The following DGKB variants were observed in gnomAD, a reference collection of about 807,000 sequenced individuals.
DGKB encodes 90 kDa diacylglycerol kinase.
In DGKB, 67 loss-of-function variants were observed where a neutral mutation model predicts 114.3. The observed-to-expected ratio is 0.59, with a 90% CI of 0.48 to 0.72. The LOEUF (loss-of-function observed/expected upper bound fraction) is 0.72, where lower values mean the gene tolerates loss of function less well. DGKB is among the 30% of genes least tolerant of loss of function. DGKB has a pLI of 0.00. For synonymous variants in DGKB, 398 were observed against 323.1 expected, an observed-to-expected ratio of 1.23 and a Z score of -2.49; for missense variants, 907 against 975.2, an observed-to-expected ratio of 0.93 and a Z score of 0.93.
intron 2 of DGKB, among the ~76,000 whole-genome samples, chr7:14,823,031 T>A (rs1845163974): frequency 6.6e-6 from 1 of 151,898 alleles, no homozygotes; most frequent in Non-Finnish European, 1.5e-5. Context: ...AATAGTACTT[T>A]TAAAAAAAAT....
intron 1 of DGKB, among the ~76,000 whole-genome samples, chr7:14,880,534 A>G (rs1004103713): frequency 6.6e-6 from 1 of 152,184 alleles, no homozygotes; most frequent in Non-Finnish European, 1.5e-5. Context: ...GTTACTCAAG[A>G]TCAAGTTGGA....
chr7:14,210,945 C>T (rs145221860), intron 23 of DGKB, among the ~76,000 whole-genome samples: 24 of 152,168 alleles, frequency 1.6e-4, no homozygotes, highest in African/African-American at 5.8e-4. Flanking sequence ...TCCACTGTAT[C>T]CTTGCCATCT....
chr7:14,740,147 C>G (rs1186745466), intron 4 of DGKB, among the ~76,000 whole-genome samples: 1 of 152,216 alleles, frequency 6.6e-6, no homozygotes, highest in African/African-American at 2.4e-5. Flanking sequence ...CCAAGGAGTC[C>G]AGCTCAGTGG....
At chr7:14,731,940 C>A (rs1221475444) in intron 5 of DGKB, among the ~76,000 whole-genome samples, 1 of 152,046 alleles carries the variant, frequency 6.6e-6, no homozygotes, top group African/African-American at 2.4e-5. Flanking sequence ...GTAGTGACAT[C>A]ATTTTTAAAT....
At chr7:14,938,399 ACT>A (rs1785385609) in intron 1 of DGKB, among the ~76,000 whole-genome samples, 1 of 152,214 alleles carries the variant, frequency 6.6e-6, no homozygotes, top group Non-Finnish European at 1.5e-5. Flanking sequence ...ACAATTAGGC[ACT>A]GAGTTTCCTT....
intron 9 of DGKB, among the ~76,000 whole-genome samples, chr7:14,692,490 G>A (rs950220065): frequency 6.6e-6 from 1 of 151,542 alleles, no homozygotes. Flanking sequence ...TTTTTCTTTT[G>A]TTTTCTCCCA....
chr7:14,478,149 T>C lies in DGKB; in HGVS notation c.1835+12A>G. On this transcript the variant is annotated intron_variant, in intron 21 of 25. Transcript: ENST00000402815. The stretch of plus-strand genomic sequence containing the variant: ...AACTATATCTATAATTTCATCTCTT[T>C]TGTCACCTTACCTACTGTTGAATTT... The C allele has an allele frequency of 6.3e-7, 1 of 1,578,710 alleles. No individual in the cohort carries two copies. The highest frequency in any genetic ancestry group is 8.7e-7 in the Non-Finnish European group (1 of 1,154,618).
intron 21 of DGKB, among the ~76,000 whole-genome samples, chr7:14,356,629 G>C (rs1377580505): frequency 6.6e-6 from 1 of 151,934 alleles, no homozygotes; most frequent in East Asian, 1.9e-4. Flanking sequence ...CAAAGTGCTG[G>C]GATTACAGGC....
Position 14,591,254 on chromosome 7 carries a change from C to T in DGKB, c.1434-8117G>A, listed in dbSNP as rs1237096193. 6.6e-5 allele frequency among the ~76,000 whole-genome samples: 10 copies of T among 152,056 alleles called. No individual in the cohort carries two copies. The South Asian group carries it at 1.7e-3, about 25-fold the overall frequency. The stretch of plus-strand genomic sequence containing the variant: ...TCACTCTGGGGAAACTTTTGTACTG[C>T]GTATTGTACTTTTTACCTATCAGTT... On this transcript the variant is annotated intron_variant, in intron 17 of 25. Coordinates refer to ENST00000402815, the MANE Select transcript of DGKB (RefSeq NM_001350709.2).
intron 21 of DGKB, among the ~76,000 whole-genome samples, chr7:14,461,222 C>A (rs1833023585): frequency 6.6e-6 from 1 of 151,948 alleles, no homozygotes; most frequent in Non-Finnish European, 1.5e-5. Flanking sequence ...CATTCAAAAG[C>A]TAGCAGAAGA....
chr7:14,820,907 T>G, intron 2 of DGKB, among the ~76,000 whole-genome samples: 1 of 152,178 alleles, frequency 6.6e-6, no homozygotes. Context: ...GAAGACTTTT[T>G]GGGCCAAATT....
At chr7:14,459,669 C>G (rs533660601) in intron 21 of DGKB, among the ~76,000 whole-genome samples, 1 of 152,206 alleles carries the variant, frequency 6.6e-6, no homozygotes, top group African/African-American at 2.4e-5. Context: ...TTGAAAAACA[C>G]TCTTCAGGAT....
intron 1 of DGKB, among the ~76,000 whole-genome samples, chr7:14,860,594 A>G (rs989649240): frequency 6.6e-6 from 1 of 152,022 alleles, no homozygotes; most frequent in African/African-American, 2.4e-5. Flanking sequence ...AATAATATGT[A>G]AATCCTAAGA....
At chr7:14,685,576 C>T (rs1821539997) in intron 9 of DGKB, among the ~76,000 whole-genome samples, 1 of 152,130 alleles carries the variant, frequency 6.6e-6, no homozygotes, top group Admixed American at 6.5e-5. Flanking sequence ...TATAGCAACC[C>T]ACAAATCCTT....
intron 4 of DGKB, among the ~76,000 whole-genome samples, chr7:14,749,552 C>A (rs934280934): frequency 6.6e-6 from 1 of 152,032 alleles, no homozygotes; most frequent in African/African-American, 2.4e-5. Context: ...ATAATGGATT[C>A]GAAAAAGTTT....
intron 4 of DGKB, among the ~76,000 whole-genome samples, chr7:14,739,742 C>T (rs756528935): frequency 6.6e-6 from 1 of 152,186 alleles, no homozygotes; most frequent in African/African-American, 2.4e-5. Flanking sequence ...GAAACTGCAC[C>T]CCTTGCGTCA....
chr7:14,324,602 T>C (rs1808405752), intron 23 of DGKB, among the ~76,000 whole-genome samples: 1 of 152,028 alleles, frequency 6.6e-6, no homozygotes, highest in Admixed American at 6.6e-5. Flanking sequence ...TCATTTGCGG[T>C]GATGGAAGCT....
intron 20 of DGKB, among the ~76,000 whole-genome samples, chr7:14,518,357 G>A (rs944517527): frequency 6.6e-6 from 1 of 151,804 alleles, no homozygotes; most frequent in African/African-American, 2.4e-5. Context: ...CTACCTATTG[G>A]GTACTGTGCT....
chr7:14,531,756 A>G (rs1791618826), intron 20 of DGKB, among the ~76,000 whole-genome samples: 1 of 151,366 alleles, frequency 6.6e-6, no homozygotes, highest in African/African-American at 2.4e-5. Flanking sequence ...GAAAATTGGA[A>G]AAGTTACACT....
Sources: gnomAD v4.1 joint callset for allele counts (sites outside exome capture counted in the v4.1 genomes callset) on GRCh38, gnomAD v4.1.1 for gene constraint, MANE v1.5 for transcripts, NCBI Gene and HGNC (gene_info 2026-07-23, HGNC 2026-07-21) for gene names.